KLHL35: variants seen among roughly 807,000 people sequenced by gnomAD.
KLHL35 encodes kelch like family member 35, also known as kelch-like protein 35.
A neutral mutation model predicts 44.0 loss-of-function variants in KLHL35; 50 were observed. The ratio of observed to expected loss-of-function variants is 1.14; its 90% CI spans 0.91 to 1.44. KLHL35 has a LOEUF of 1.44. Ranked by LOEUF, KLHL35 falls within the 40% of genes most tolerant of loss-of-function variation. KLHL35 has a pLI of 0.00. For missense variants in KLHL35, 1,049 were observed against 887.8 expected (o/e 1.18, Z -2.31); for synonymous variants, 470 against 410.4 (o/e 1.15, Z -1.76).
At chr11:75,426,217 A>C (rs2135080631) in intron 4 of KLHL35, 1 of 198,660 alleles carries the variant, frequency 5.0e-6, no homozygotes, top group African/African-American at 2.3e-5. Flanking sequence ...GGCCTCCCAA[A>C]GTGCTGGGAT....
chr11:75,430,705 G>C (rs1459377867), intron 1 of KLHL35, 75 bp from the exon 2 acceptor site: 1 of 1,208,470 alleles, frequency 8.3e-7, no homozygotes, highest in Non-Finnish European at 1.1e-6. Context: ...GCCCTCATCC[G>C]TTTATTTCCT....
intron 6 of KLHL35, chr11:75,423,258 G>A: frequency 5.2e-6 from 1 of 193,840 alleles, no homozygotes; most frequent in South Asian, 1.2e-4. Flanking sequence ...GGAGAAGAAG[G>A]TAGGGGAGGC....
At position 75,423,835 on chromosome 11, in the gene KLHL35, G is replaced by T; in HGVS notation, c.1420C>A (p.Pro474Thr). 1 of 1,613,816 alleles carries T rather than the reference G, an allele frequency of 6.2e-7. No homozygotes were observed. Among genetic ancestry groups the T allele is most frequent in the Non-Finnish European group, 8.5e-7 (1 of 1,179,826 alleles). The change falls in exon 6 of 7, where the codon CCA (proline) becomes ACA (threonine). Residue 474 changes from proline to threonine, a missense_variant. Coordinates refer to ENST00000539798, the MANE Select transcript of KLHL35 (RefSeq NM_001039548.3). ...AGACACCGCTGTGAGAAGGGTGCTG[G>T]TGACCGCAGGCTCCACCGGTCCTCC... Reference protein sequence around the residue: ...PKEDRWSLRSPAPFSQRCLEA... With the variant: ...PKEDRWSLRSTAPFSQRCLEA...
chr11:75,429,693 C>A, intron 2 of KLHL35, 56 bp downstream of exon 2: 1 of 1,395,834 alleles, frequency 7.2e-7, no homozygotes, highest in Non-Finnish European at 9.3e-7. Flanking sequence ...AATGAATGAG[C>A]GGTGGAAGCA....
rs1177237427 is a variant in KLHL35 at position 75,433,114 on chromosome 11, C to T, written c.-73G>A. Among the ~76,000 whole-genome samples the T allele has an allele frequency of 6.6e-6, 1 of 152,184 alleles. No homozygotes were observed. Among genetic ancestry groups the T allele is most frequent in the East Asian group, 1.9e-4 (1 of 5,182 alleles). ...GTATCACTCCCGTTTGTGCCTGCCG[C>T]CCGCACCCCTGGCAGCCCAAGCTCC... On this transcript the variant is annotated 5_prime_UTR_variant, in exon 1 of 7. Coordinates refer to ENST00000539798, the MANE Select transcript of KLHL35 (RefSeq NM_001039548.3).
chr11:75,430,427 C>T lies in KLHL35; in HGVS notation c.203G>A (p.Ser68Asn). ...ALSAGSAYFR[S>N]LFAAGRPERG... Reference sequence around the variant, plus strand: ...CTCGGGCCGCCCGGCCGCGAACAAGCTGCGGAAGTAGGCGCTGCCCGCGCT... The same window carrying T: ...CTCGGGCCGCCCGGCCGCGAACAAGTTGCGGAAGTAGGCGCTGCCCGCGCT... The change falls in exon 2 of 7, where the codon AGC becomes AAC. Residue 68 changes from serine (S) to asparagine (N), a missense_variant. Physicochemically the swap from Ser to Asn is conservative, Grantham distance 46. Transcript: ENST00000539798. 7.3e-7 allele frequency: 1 copy of T among 1,376,958 alleles called. No individual in the cohort carries two copies. Among genetic ancestry groups the T allele is most frequent in the Non-Finnish European group, 9.4e-7 (1 of 1,059,054 alleles). 85.3% of individuals were successfully genotyped at this position (1,376,958 alleles called of 1,614,324 possible).
rs1156981074 is a variant in KLHL35, at chr11:75,428,644, C to G, written c.882-18G>C. On this transcript the variant is annotated intron_variant, in intron 2 of 6. Coordinates refer to ENST00000539798, the MANE Select transcript of KLHL35 (RefSeq NM_001039548.3). ...CCATGAATCTGGCGTGCGGATAAGC[C>G]CAGTGCCTGTTGGGCCGCACCCAAG... The G allele has an allele frequency of 6.4e-7, 1 of 1,556,296 alleles. No homozygotes were observed. Among genetic ancestry groups the G allele is most frequent in the South Asian group, 1.2e-5 (1 of 82,808 alleles).
chr11:75,424,255 T>TA (rs1948473340), intron 5 of KLHL35: 1 of 219,380 alleles, frequency 4.6e-6, no homozygotes, highest in African/African-American at 2.3e-5. Context: ...CGCCTCATGT[T>TA]AGATTAATCA....
Position 75,430,008 on chromosome 11 carries a change from G to C in KLHL35, c.622C>G (p.Leu208Val), listed in dbSNP as rs1485583440. 1 of 1,416,826 alleles carries C rather than the reference G, an allele frequency of 7.1e-7. No individual in the cohort carries two copies. Among genetic ancestry groups the C allele is most frequent in the East Asian group, 3.1e-5 (1 of 32,126 alleles). The allele number at this position is 1,416,826 out of a possible 1,614,324, so 87.8% of individuals were successfully genotyped here. A position where few individuals can be genotyped will look rare whatever the true frequency, so the allele number is the denominator to read the frequency against. The change falls in exon 2 of 7, where the codon CTG becomes GTG. Residue 208 changes from leucine (L) to valine (V), a missense_variant. Physicochemically the swap from Leu to Val is conservative, Grantham distance 32. Coordinates refer to ENST00000539798, the MANE Select transcript of KLHL35 (RefSeq NM_001039548.3). Reference sequence around the variant, plus strand: ...ACGGCCTCCTCGCGCGCCACGCCCAGCGCGGGGTCCGCCAGCAGCGCCACC... The same window carrying C: ...ACGGCCTCCTCGCGCGCCACGCCCACCGCGGGGTCCGCCAGCAGCGCCACC... Reference protein sequence around the residue: ...EVVALLADPALGVAREEAVFE... With the variant: ...EVVALLADPAVGVAREEAVFE...
Position 75,422,990 on chromosome 11 carries a change from T to C in KLHL35, c.1564-222A>G. The C allele has an allele frequency of 9.0e-6, 5 of 553,106 alleles. No individual in the cohort carries two copies. In the East Asian group the frequency reaches 1.4e-4, roughly 16 times the overall value. 34.3% of individuals were successfully genotyped at this position (553,106 alleles called of 1,614,324 possible). ...CACTTAACCTCTCTGGACCTCAGTTTCCTCATCGGCAAAGGGAGAAGAACT... is the reference window on the plus strand; with the variant it reads ...CACTTAACCTCTCTGGACCTCAGTTCCCTCATCGGCAAAGGGAGAAGAACT... On this transcript the variant is annotated intron_variant, in intron 6 of 6. Transcript: ENST00000539798.
Position 75,427,073 on chromosome 11 carries a change from C to G in KLHL35, c.1067-435G>C, listed in dbSNP as rs1948498431. 3.9e-5 allele frequency among the ~76,000 whole-genome samples: 6 copies of G among 152,256 alleles called. No individual in the cohort carries two copies. In the South Asian group the frequency reaches 1.2e-3, roughly 32 times the overall value. On this transcript the variant is annotated intron_variant, in intron 3 of 6. Transcript: ENST00000539798. ...GATAGGTAGAGGGTGACCCAATAAC[C>G]CTCCCTCCCTTCTGCCTTCACCTGC...
chr11:75,432,382 A>C (rs1948544146), intron 1 of KLHL35, among the ~76,000 whole-genome samples: 1 of 152,172 alleles, frequency 6.6e-6, no homozygotes, highest in African/African-American at 2.4e-5. Context: ...TGGATCCTGA[A>C]TCCACCTGGC....
intron 3 of KLHL35, among the ~76,000 whole-genome samples, chr11:75,427,007 G>A (rs1358364290): frequency 6.6e-6 from 1 of 152,154 alleles, no homozygotes; most frequent in Non-Finnish European, 1.5e-5. Context: ...GGAATGTACT[G>A]GGGATCCAGG....
chr11:75,430,588 G>T lies in KLHL35; in HGVS notation c.42C>A (p.Cys14Ter). Reference protein sequence around the residue: ...GHAPEESEPGCEAPCAGPCHA... With the variant: ...GHAPEESEPG Reference sequence around the variant, plus strand: ...GGCACGGACCCGCGCACGGCGCTTCGCAGCCCGGCTCCGACTCCTCCGGCG... The same window carrying T: ...GGCACGGACCCGCGCACGGCGCTTCTCAGCCCGGCTCCGACTCCTCCGGCG... The change falls in exon 2 of 7, where the codon TGC (cysteine) becomes TGA (stop). Residue 14 changes from cysteine to a stop codon, truncating the protein, a stop_gained. Transcript: ENST00000539798. LOFTEE classifies it high-confidence loss of function. The T allele has an allele frequency of 2.8e-6, 4 of 1,433,238 alleles. No individual in the cohort carries two copies. The highest frequency in any genetic ancestry group is 3.6e-6 in the Non-Finnish European group (4 of 1,097,686). 88.8% of individuals were successfully genotyped at this position (1,433,238 alleles called of 1,614,324 possible). A position where few individuals can be genotyped will look rare whatever the true frequency, so the allele number is the denominator to read the frequency against.
chr11:75,425,658 A>G, intron 4 of KLHL35, 77 bp from the exon 5 acceptor site: 2 of 1,263,738 alleles, frequency 1.6e-6, no homozygotes, highest in Admixed American at 3.6e-5. Context: ...CAGTCCTTAC[A>G]GTCTTTGAGC....
intron 1 of KLHL35, among the ~76,000 whole-genome samples, chr11:75,431,278 A>T (rs1948535255): frequency 6.6e-6 from 1 of 152,250 alleles, no homozygotes; most frequent in African/African-American, 2.4e-5. Flanking sequence ...CACTCCCCTG[A>T]CAGACAGCAT....
Position 75,430,167 on chromosome 11 carries a change from T to C in KLHL35, c.463A>G (p.Ser155Gly). ...GCGGCCACGCGGCGCAGCGCTAGGC[T>C]GTTGGCGGCGCGCAGGCGGCCCTCG... Reference protein sequence around the residue: ...FLEGRLRAANSLALRRVAAAF... With the variant: ...FLEGRLRAANGLALRRVAAAF... The change falls in exon 2 of 7, where the codon AGC (serine) becomes GGC (glycine). Residue 155 changes from serine (S) to glycine (G), a missense_variant. Physicochemically the swap from Ser to Gly is moderately conservative, Grantham distance 56. Coordinates refer to ENST00000539798, the MANE Select transcript of KLHL35 (RefSeq NM_001039548.3). 1 of 1,238,306 alleles carries C rather than the reference T, an allele frequency of 8.1e-7. No homozygotes were observed. The highest frequency in any genetic ancestry group is 1.0e-6 in the Non-Finnish European group (1 of 991,508). 76.7% of individuals were successfully genotyped at this position (1,238,306 alleles called of 1,614,324 possible).
intron 3 of KLHL35, among the ~76,000 whole-genome samples, chr11:75,427,471 T>C (rs1948501417): frequency 6.6e-6 from 1 of 152,214 alleles, no homozygotes; most frequent in African/African-American, 2.4e-5. Flanking sequence ...CCATCTTTGT[T>C]TATTCCTAGT....
At position 75,426,715 on chromosome 11, in the gene KLHL35, C is replaced by T. The variant is rs752529702; in HGVS notation, c.1067-77G>A. On this transcript the variant is annotated intron_variant, in intron 3 of 6. Transcript: ENST00000539798. Reference sequence around the variant, plus strand: ...ACCCCCAAAGAGCTAGAAACTAGGGCCCCCAGATCCAAAGGAAGGGTTAAG... The same window carrying T: ...ACCCCCAAAGAGCTAGAAACTAGGGTCCCCAGATCCAAAGGAAGGGTTAAG... 80 of 949,450 alleles carry T rather than the reference C, an allele frequency of 8.4e-5. 1 individual carries two copies. Among genetic ancestry groups the T allele is most frequent in the Non-Finnish European group, 1.1e-4 (68 of 627,400 alleles). The allele number at this position is 949,450 out of a possible 1,614,324, so 58.8% of individuals were successfully genotyped here.
Sources: gnomAD v4.1 joint callset for allele counts (sites outside exome capture counted in the v4.1 genomes callset) on GRCh38, gnomAD v4.1.1 for gene constraint, MANE v1.5 for transcripts, NCBI Gene and HGNC (gene_info 2026-07-23, HGNC 2026-07-21) for gene names.